The following SEMA6B variants were observed in gnomAD, a reference collection of about 807,000 sequenced individuals.
The protein encoded by SEMA6B is semaphorin 6B, also known as semaphorin-6B.
SEMA6B carries 47 observed loss-of-function variants against 78.6 expected under a neutral mutation model. The observed-to-expected ratio is 0.60, with a 90% CI of 0.47 to 0.76. The LOEUF is 0.76. Among genes scored for constraint, SEMA6B ranks in the 30% least tolerant of loss-of-function variants. SEMA6B has a pLI of 0.00. For synonymous variants in SEMA6B, 632 were observed against 592.2 expected (o/e 1.07, Z -0.98); for missense variants, 1,213 against 1,269.9 (o/e 0.96, Z 0.68).
rs1977453654 is a variant in SEMA6B, at chr19:4,555,857, G to A, written c.471+131C>T. 2 of 765,728 alleles carry A rather than the reference G, an allele frequency of 2.6e-6. No homozygotes were observed. Among genetic ancestry groups the A allele is most frequent in the Non-Finnish European group, 4.6e-6 (2 of 439,176 alleles). 47.4% of individuals were successfully genotyped at this position (765,728 alleles called of 1,614,324 possible). A position where few individuals can be genotyped will look rare whatever the true frequency, so the allele number is the denominator to read the frequency against. On this transcript the variant is annotated intron_variant, in intron 6 of 16. Transcript: ENST00000586582. The surrounding 1 kb of genome is among the most constrained non-coding windows in gnomAD (Gnocchi z 6.1). ...CTCCTCTTGAGCTCAGGGGGAGGAGGCAGGGAGAGTATATCCAGGAAGGCT... is the reference window on the plus strand; with the variant it reads ...CTCCTCTTGAGCTCAGGGGGAGGAGACAGGGAGAGTATATCCAGGAAGGCT...
intron 12 of SEMA6B, among the ~76,000 whole-genome samples, chr19:4,549,760 G>A (rs574945484): frequency 1.3e-5 from 2 of 152,092 alleles, no homozygotes; most frequent in South Asian, 4.1e-4. Flanking sequence ...TTACAGGCGT[G>A]AGCCACCATG....
At position 4,555,514 on chromosome 19, in the gene SEMA6B, G is replaced by A; in HGVS notation, c.522C>T (p.Cys174=). The part of the protein sequence containing the change: ...VGDNISGMAR[C]PYDPKHANVA... ...CATTGGCGTGCTTGGGGTCGTACGG[G>A]CAGCGGGCCATACCGCTGATGTTGT... Residue 174 remains cysteine, a synonymous_variant, in exon 7 of 17, where the codon TGC becomes TGT. Coordinates refer to ENST00000586582, the MANE Select transcript of SEMA6B (RefSeq NM_032108.4). This position sits in a 1 kb window ranked among gnomAD's most constrained non-coding sequence, Gnocchi z 6.1. The A allele has an allele frequency of 6.2e-7, 1 of 1,613,530 alleles. No individual in the cohort carries two copies. Among genetic ancestry groups the A allele is most frequent in the Non-Finnish European group, 8.5e-7 (1 of 1,179,800 alleles).
rs965347162 is a variant in SEMA6B at position 4,543,951 on chromosome 19, G to A, written c.2317C>T (p.Arg773Cys). 17 of 1,201,786 alleles carry A rather than the reference G, an allele frequency of 1.4e-5. No individual in the cohort carries two copies. The highest frequency in any genetic ancestry group is 1.7e-5 in the Non-Finnish European group (16 of 968,972). 74.4% of individuals were successfully genotyped at this position (1,201,786 alleles called of 1,614,324 possible). Residue 773 changes from arginine to cysteine, a missense_variant, in exon 17 of 17, where the codon CGC becomes TGC. Coordinates refer to ENST00000586582, the MANE Select transcript of SEMA6B (RefSeq NM_032108.4). Reference sequence around the variant, plus strand: ...CGGCCGGGCCGGGCAGCATAGAGGCGGCCGTCGGGGGTCGGCTCCCCAGGC... The same window carrying A: ...CGGCCGGGCCGGGCAGCATAGAGGCAGCCGTCGGGGGTCGGCTCCCCAGGC... Reference protein sequence around the residue: ...PAPGEPTPDGRLYAARPGRAS... With the variant: ...PAPGEPTPDGCLYAARPGRAS...
In SEMA6B at chr19:4,544,574, C is replaced by T. The variant is rs1256181332; in HGVS notation, c.1739-45G>A. 4 of 1,273,950 alleles carry T rather than the reference C, an allele frequency of 3.1e-6. No homozygotes were observed. The highest frequency in any genetic ancestry group is 3.4e-5 in the Admixed American group (1 of 29,792). The allele number at this position is 1,273,950 out of a possible 1,614,324, so 78.9% of individuals were successfully genotyped here. On this transcript the variant is annotated intron_variant, in intron 16 of 16. Coordinates refer to ENST00000586582, the MANE Select transcript of SEMA6B (RefSeq NM_032108.4). The surrounding 1 kb of genome is among the most constrained non-coding windows in gnomAD (Gnocchi z 5.1). ...GGGTTAGTGGGGCCGGCGGGGTGGC[C>T]CTGGGCATCCCTCCTACCTCCTCGG...
intron 3 of SEMA6B, among the ~76,000 whole-genome samples, 183 bp from the exon 4 acceptor site, chr19:4,557,406 C>G (rs1015711115): frequency 6.6e-6 from 1 of 152,186 alleles, no homozygotes; most frequent in African/African-American, 2.4e-5. Flanking sequence ...ATATCCTGCA[C>G]TCCACCTCCT....
rs1036229789 is a variant in SEMA6B, at chr19:4,550,471, C to T, written c.1122-199G>A. Among the ~76,000 whole-genome samples, 3 of 152,152 alleles carry T rather than the reference C, an allele frequency of 2.0e-5. No individual in the cohort carries two copies. Among genetic ancestry groups the T allele is most frequent in the Non-Finnish European group, 4.4e-5 (3 of 68,018 alleles). The stretch of plus-strand genomic sequence containing the variant: ...CTCCACCTCCTGGGTTCAAGCGATT[C>T]TCCTGCTTCAGCCACCCGAGTGGCT... On this transcript the variant is annotated intron_variant, in intron 11 of 16. Transcript: ENST00000586582. The surrounding 1 kb of genome is among the most constrained non-coding windows in gnomAD (Gnocchi z 6.6).
In SEMA6B at chr19:4,543,955, G is replaced by T; in HGVS notation, c.2313C>A (p.Asp771Glu). ...QPPAPGEPTP[D>E]GRLYAARPGR... ...CGGGCCGGGCAGCATAGAGGCGGCC[G>T]TCGGGGGTCGGCTCCCCAGGCGCGG... The change falls in exon 17 of 17, where the codon GAC (aspartate) becomes GAA (glutamate). Residue 771 changes from aspartate to glutamate, a missense_variant. Coordinates refer to ENST00000586582, the MANE Select transcript of SEMA6B (RefSeq NM_032108.4). 5 of 1,201,904 alleles carry T rather than the reference G, an allele frequency of 4.2e-6. No homozygotes were observed. The highest frequency in any genetic ancestry group is 5.2e-6 in the Non-Finnish European group (5 of 968,928). The allele number at this position is 1,201,904 out of a possible 1,614,324, so 74.5% of individuals were successfully genotyped here.
Position 4,550,987 on chromosome 19 carries a change from A to T in SEMA6B, c.990-57T>A, listed in dbSNP as rs574919467. The T allele has an allele frequency of 5.0e-6, 8 of 1,599,022 alleles. No individual in the cohort carries two copies. Among genetic ancestry groups the T allele is most frequent in the Non-Finnish European group, 6.8e-6 (8 of 1,169,338 alleles). On this transcript the variant is annotated intron_variant, in intron 10 of 16. Coordinates refer to ENST00000586582, the MANE Select transcript of SEMA6B (RefSeq NM_032108.4). This position sits in a 1 kb window ranked among gnomAD's most constrained non-coding sequence, Gnocchi z 6.6. ...CCCGGTGGGAGGCCCCATCTCGGAC[A>T]AGTGCGTGCAGGAGCCTCTGTCTGC... is the stretch of plus-strand genomic sequence containing the variant.
chr19:4,555,965 G>A lies in SEMA6B; in HGVS notation c.471+23C>T, dbSNP rs760353619. ...CAGAGGCCTGGAGGTTGGACCTGGG[G>A]CGCAGGGAGTCTGAAGACTCACGCT... is the stretch of plus-strand genomic sequence containing the variant. On this transcript the variant is annotated intron_variant, in intron 6 of 16. Coordinates refer to ENST00000586582, the MANE Select transcript of SEMA6B (RefSeq NM_032108.4). The surrounding 1 kb of genome is among the most constrained non-coding windows in gnomAD (Gnocchi z 6.1). The A allele has an allele frequency of 6.3e-7, 1 of 1,591,326 alleles. No homozygotes were observed. The highest frequency in any genetic ancestry group is 1.1e-5 in the South Asian group (1 of 90,596).
rs80349332 is a variant in SEMA6B at position 4,545,594 on chromosome 19, C to T, written c.1738+622G>A. Among the ~76,000 whole-genome samples, 1,025 of 152,284 alleles carry T rather than the reference C, an allele frequency of 6.7e-3. 7 individuals are homozygous for T. Among genetic ancestry groups the T allele is most frequent in the Non-Finnish European group, 9.5e-3 (648 of 68,022 alleles). ...ACCTCAAGTGATCGTCCTGTCTTGG[C>T]CTCTCAAAATGCTGGGATTATAGGC... On this transcript the variant is annotated intron_variant, in intron 16 of 16. Transcript: ENST00000586582.
In SEMA6B at chr19:4,546,218, G is replaced by A. The variant is rs769608283; in HGVS notation, c.1736C>T (p.Thr579Ile). Reference sequence around the variant, plus strand: ...AGCCTGCCGTCCCCCCAACTCACCTGTGCAGTCCCCTAAGCCTGAGGTGCT... The same window carrying A: ...AGCCTGCCGTCCCCCCAACTCACCTATGCAGTCCCCTAAGCCTGAGGTGCT... ...GASTSGLGDCTGLLRASLSED... is the reference protein window; with the variant it reads ...GASTSGLGDCIGLLRASLSED... The change falls in exon 16 of 17, where the codon ACA (threonine) becomes ATA (isoleucine). Residue 579 changes from threonine (T) to isoleucine (I), a missense_variant and splice_region_variant. Physicochemically the swap from Thr to Ile is moderately conservative, Grantham distance 89. Transcript: ENST00000586582. 6.2e-7 allele frequency: 1 copy of A among 1,611,110 alleles called. No homozygotes were observed. The highest frequency in any genetic ancestry group is 8.5e-7 in the Non-Finnish European group (1 of 1,179,596).
rs1977416441 is a variant in SEMA6B, at chr19:4,554,441, G to A, written c.718C>T (p.His240Tyr). The A allele has an allele frequency of 6.2e-7, 1 of 1,613,984 alleles. No homozygotes were observed. The highest frequency in any genetic ancestry group is 1.6e-4 in the Middle Eastern group (1 of 6,062). Residue 240 changes from histidine (H) to tyrosine (Y), a missense_variant, in exon 9 of 17, where the codon CAT becomes TAT. His to Tyr is a moderately conservative substitution (Grantham distance 83). Coordinates refer to ENST00000586582, the MANE Select transcript of SEMA6B (RefSeq NM_032108.4). ...YFVHAVEWGSHVYFFFREIAM... is the reference protein window; with the variant it reads ...YFVHAVEWGSYVYFFFREIAM... Reference sequence around the variant, plus strand: ...ATCTCCCGGAAGAAGAAGTAGACATGGCTGCCCCACTCCACCGCATGGACA... The same window carrying A: ...ATCTCCCGGAAGAAGAAGTAGACATAGCTGCCCCACTCCACCGCATGGACA...
rs748265038 is a variant in SEMA6B at position 4,544,317 on chromosome 19, C to G, written c.1951G>C (p.Val651Leu). 1.9e-5 allele frequency: 28 copies of G among 1,490,642 alleles called. No homozygotes were observed. Among genetic ancestry groups the G allele is most frequent in the Non-Finnish European group, 2.4e-5 (27 of 1,125,520 alleles). The allele number at this position is 1,490,642 out of a possible 1,614,324, so 92.3% of individuals were successfully genotyped here. ...GCCCTGCGCTCGCCCAGGCGGCTGA[C>G]GCTCAGCACCGCCTCGCCCGCCCCG... is the stretch of plus-strand genomic sequence containing the variant. ...AHGAGEAVLS[V>L]SRLGERRAQG... Residue 651 changes from valine (V) to leucine (L), a missense_variant, in exon 17 of 17, where the codon GTC becomes CTC. By Grantham distance (32) the Val-to-Leu change is conservative. Transcript: ENST00000586582. The surrounding 1 kb of genome is among the most constrained non-coding windows in gnomAD (Gnocchi z 5.1).
chr19:4,552,285 TG>T lies in SEMA6B; in HGVS notation c.989+136del. On this transcript the variant is annotated intron_variant, in intron 10 of 16. Transcript: ENST00000586582. The surrounding 1 kb of genome is among the most constrained non-coding windows in gnomAD (Gnocchi z 7.4). ...AGTGTCAGCTTGTCCCACCCCAGCCTGGGGCCGAGGCCTCTCAGAGGTCTAA... is the reference window on the plus strand; with the variant it reads ...AGTGTCAGCTTGTCCCACCCCAGCCTGGGCCGAGGCCTCTCAGAGGTCTAA... 2 of 836,508 alleles carry T rather than the reference TG, an allele frequency of 2.4e-6. No individual in the cohort carries two copies. The highest frequency in any genetic ancestry group is 3.7e-6 in the Non-Finnish European group (2 of 537,002). 51.8% of individuals were successfully genotyped at this position (836,508 alleles called of 1,614,324 possible). A position where few individuals can be genotyped will look rare whatever the true frequency, so the allele number is the denominator to read the frequency against.
In SEMA6B at chr19:4,543,711, C is replaced by A; in HGVS notation, c.2557G>T (p.Glu853Ter). The A allele has an allele frequency of 8.1e-7, 1 of 1,229,598 alleles. No individual in the cohort carries two copies. Among genetic ancestry groups the A allele is most frequent in the Non-Finnish European group, 1.0e-6 (1 of 986,550 alleles). 76.2% of individuals were successfully genotyped at this position (1,229,598 alleles called of 1,614,324 possible). ...LRRTHTFNSG[E>*]ARPGDRHRGC... is the part of the protein sequence containing the mutation. ...CGGTGGCGGTCCCCAGGCCGGGCCT[C>A]GCCGCTGTTGAACGTGTGGGTGCGG... is the stretch of plus-strand genomic sequence containing the variant. The change falls in exon 17 of 17, where the codon GAG (glutamate) becomes TAG (stop). Residue 853 changes from glutamate to a stop codon, truncating the protein, a stop_gained. Coordinates refer to ENST00000586582, the MANE Select transcript of SEMA6B (RefSeq NM_032108.4). LOFTEE classifies it high-confidence loss of function.
intron 5 of SEMA6B, 133 bp downstream of exon 5, chr19:4,556,818 C>T: frequency 1.5e-6 from 1 of 684,160 alleles, no homozygotes; most frequent in South Asian, 1.7e-5. Flanking sequence ...TGGGCGGGGC[C>T]AGGGCTGATT....
intron 3 of SEMA6B, among the ~76,000 whole-genome samples, chr19:4,557,792 A>T (rs1458095192): frequency 1.3e-5 from 2 of 152,010 alleles, no homozygotes; most frequent in Non-Finnish European, 2.9e-5. Context: ...GCCCCCTCCC[A>T]GAAGCAGCCA....
rs1977353938 is a variant in SEMA6B, at chr19:4,552,378, G to A, written c.989+44C>T. The A allele has an allele frequency of 2.6e-6, 4 of 1,526,714 alleles. No homozygotes were observed. The highest frequency in any genetic ancestry group is 2.4e-5 in the East Asian group (1 of 40,852). The allele number at this position is 1,526,714 out of a possible 1,614,324, so 94.6% of individuals were successfully genotyped here. A position where few individuals can be genotyped will look rare whatever the true frequency, so the allele number is the denominator to read the frequency against. On this transcript the variant is annotated intron_variant, in intron 10 of 16. Coordinates refer to ENST00000586582, the MANE Select transcript of SEMA6B (RefSeq NM_032108.4). The surrounding 1 kb of genome is among the most constrained non-coding windows in gnomAD (Gnocchi z 7.4). ...GTGAATACAGGCCCTCTCTACCCAT[G>A]CCCACCAAATGCTCCCAGTTTGCTC...
chr19:4,551,336 C>T (rs1977327108), intron 10 of SEMA6B, among the ~76,000 whole-genome samples: 3 of 151,548 alleles, frequency 2.0e-5, no homozygotes, highest in Admixed American at 2.0e-4. Flanking sequence ...TCTCCTGCCT[C>T]AGTCTCCCGA....
Sources: gnomAD v4.1 joint callset for allele counts (sites outside exome capture counted in the v4.1 genomes callset) on GRCh38, gnomAD v4.1.1 for gene constraint, Gnocchi (gnomAD v3.1) non-coding constraint, MANE v1.5 for transcripts, NCBI Gene and HGNC (gene_info 2026-07-23, HGNC 2026-07-21) for gene names.